DHDDS: variants seen among roughly 807,000 people sequenced by gnomAD.
DHDDS encodes the protein dehydrodolichyl diphosphate synthase subunit.
Under a neutral mutation model 46.2 loss-of-function variants are expected in DHDDS, and 16 were observed. That is an observed-to-expected ratio of 0.35 (90% confidence interval 0.23 to 0.53). The LOEUF is 0.53. DHDDS is among the 20% of genes least tolerant of loss of function. DHDDS has a pLI of 0.94. For synonymous variants in DHDDS, 151 were observed against 163.1 expected (o/e 0.93, Z 0.56); for missense variants, 340 against 423.7 (o/e 0.80, Z 1.73).
At chr1:26,432,621 C>A in intron 1 of DHDDS, 1 of 376,048 alleles carries the variant, frequency 2.7e-6, no homozygotes, top group South Asian at 2.6e-5. Context: ...GGCAGGAAAC[C>A]GACTTAGATG....
At chr1:26,461,004 G>T (rs543160812) in intron 8 of DHDDS, among the ~76,000 whole-genome samples, 6 of 152,140 alleles carry the variant, frequency 3.9e-5, no homozygotes, top group Non-Finnish European at 7.3e-5. Context: ...CTCCCAACTA[G>T]CTGGGATTAC....
intron 8 of DHDDS, chr1:26,463,426 A>G (rs1345421405): frequency 2.0e-5 from 3 of 152,252 alleles, no homozygotes; most frequent in African/African-American, 7.2e-5. Flanking sequence ...TTTTCAGGAT[A>G]ATACAAACTG....
At chr1:26,449,308 C>T (rs1194889915) in intron 6 of DHDDS, among the ~76,000 whole-genome samples, 3 of 151,770 alleles carry the variant, frequency 2.0e-5, no homozygotes, top group Admixed American at 6.6e-5. Flanking sequence ...ACCATGTTGG[C>T]GAGGCTGGTC....
chr1:26,435,338 A>T (rs1557432586), intron 2 of DHDDS, among the ~76,000 whole-genome samples: 2 of 148,652 alleles, frequency 1.3e-5, no homozygotes, highest in African/African-American at 2.5e-5. Context: ...AAAAATCCTG[A>T]TGTTTGGTTT....
chr1:26,445,517 A>G (rs2075259863), intron 4 of DHDDS, among the ~76,000 whole-genome samples: 1 of 152,186 alleles, frequency 6.6e-6, no homozygotes, highest in African/African-American at 2.4e-5. Flanking sequence ...GTTTGAGACC[A>G]CCTTGGGCAA....
intron 4 of DHDDS, among the ~76,000 whole-genome samples, chr1:26,445,691 G>T (rs1557438982): frequency 6.6e-6 from 1 of 151,938 alleles, no homozygotes; most frequent in Non-Finnish European, 1.5e-5. Context: ...TCCAGCCTGG[G>T]TGAGAGTAAG....
At chr1:26,437,742 C>G (rs2075174782) in intron 2 of DHDDS, among the ~76,000 whole-genome samples, 1 of 150,962 alleles carries the variant, frequency 6.6e-6, no homozygotes, top group African/African-American at 2.4e-5. Flanking sequence ...TCCCAAAGTG[C>G]TGGGATTACA....
chr1:26,446,499 C>T lies in DHDDS; in HGVS notation c.440+67C>T, dbSNP rs558764193. The T allele has an allele frequency of 6.4e-5, 94 of 1,474,082 alleles. No individual in the cohort carries two copies. In the East Asian group the frequency reaches 8.2e-4, roughly 13 times the overall value. The allele number at this position is 1,474,082 out of a possible 1,614,324, so 91.3% of individuals were successfully genotyped here. On this transcript the variant is annotated intron_variant, in intron 5 of 8. Transcript: ENST00000236342. ...TGATTCCCTGCTGGCTTTAGGGAGA[C>T]GTCCTGGGCTTTCCTTGGTCTGGAT... is the stretch of plus-strand genomic sequence containing the variant.
intron 7 of DHDDS, among the ~76,000 whole-genome samples, 198 bp downstream of exon 7, chr1:26,458,103 G>A (rs1047887307): frequency 2.0e-5 from 3 of 152,174 alleles, no homozygotes; most frequent in African/African-American, 7.2e-5. Context: ...CGCTGGCTTT[G>A]CGAATCCAAC....
chr1:26,457,954 T>C (rs1318528481), intron 7 of DHDDS, 49 bp downstream of exon 7: 1 of 1,509,792 alleles, frequency 6.6e-7, no homozygotes, highest in African/African-American at 1.4e-5. Flanking sequence ...GGAAACCAAC[T>C]GTATCCACAG....
At chr1:26,447,835 C>T (rs912465308) in intron 6 of DHDDS, 175 bp downstream of exon 6, 2 of 675,634 alleles carry the variant, frequency 3.0e-6, no homozygotes, top group Non-Finnish European at 5.3e-6. Context: ...TTTTCAACAA[C>T]AACAACAAAA....
rs371438310 is a variant in DHDDS at position 26,442,744 on chromosome 1, G to A, written c.194G>A (p.Cys65Tyr). 2 of 1,613,976 alleles carry A rather than the reference G, an allele frequency of 1.2e-6. No individual in the cohort carries two copies. Among genetic ancestry groups the A allele is most frequent in the African/African-American group, 1.3e-5 (1 of 74,892 alleles). ...CTCCCCTCTCAGACTCTGCGGTGGTGTTTGAACCTGGGCATCCTAGAGGTG... is the reference window on the plus strand; with the variant it reads ...CTCCCCTCTCAGACTCTGCGGTGGTATTTGAACCTGGGCATCCTAGAGGTG... ...FNKLAETLRW[C>Y]LNLGILEVTV... The change falls in exon 4 of 9, where the codon TGT becomes TAT. Residue 65 changes from cysteine to tyrosine, a missense_variant. Around this residue, in one of 2 missense-constraint regions of DHDDS, gnomAD observed 72 missense variants for 123.5 expected, o/e 0.58. Transcript: ENST00000236342.
intron 4 of DHDDS, among the ~76,000 whole-genome samples, chr1:26,445,797 C>T (rs1164771277): frequency 6.6e-6 from 1 of 151,474 alleles, no homozygotes; most frequent in Admixed American, 6.6e-5. Context: ...CCGAGACAGG[C>T]AGATCACTTG....
At chr1:26,447,750 A>C (rs772765751) in intron 6 of DHDDS, 90 bp downstream of exon 6, 5 of 1,211,148 alleles carry the variant, frequency 4.1e-6, no homozygotes, top group Non-Finnish European at 6.0e-6. Flanking sequence ...GCACATTAGG[A>C]GGCCGAGGTG....
intron 2 of DHDDS, among the ~76,000 whole-genome samples, chr1:26,436,401 TTTTG>T (rs57226446): frequency 0.64 from 94,690 of 147,814 alleles, 31,594 homozygotes; most frequent in East Asian, 0.8. Context: ...TAAGACTCTG[TTTTG>T]TTTGTTTGTT....
chr1:26,452,720 C>G (rs1313293460), intron 6 of DHDDS, among the ~76,000 whole-genome samples: 2 of 152,194 alleles, frequency 1.3e-5, no homozygotes, highest in African/African-American at 4.8e-5. Context: ...AAGATTTCAA[C>G]CTGGCTTCAG....
At chr1:26,449,554 C>A (rs1415042258) in intron 6 of DHDDS, among the ~76,000 whole-genome samples, 1 of 151,948 alleles carries the variant, frequency 6.6e-6, no homozygotes, top group Non-Finnish European at 1.5e-5. Flanking sequence ...GTGTGTGCCA[C>A]CATGCTCAGC....
At chr1:26,446,266 TC>T in intron 4 of DHDDS, 49 bp from the exon 5 acceptor site, 1 of 1,580,006 alleles carries the variant, frequency 6.3e-7, no homozygotes, top group East Asian at 2.2e-5. Flanking sequence ...CCTTGCTCTC[TC>T]CAGCTCAGCA....
intron 8 of DHDDS, chr1:26,467,041 A>C: frequency 4.6e-6 from 1 of 215,392 alleles, no homozygotes; most frequent in Non-Finnish European, 1.0e-5. Context: ...CCCCCCACAC[A>C]CCTCACCTCT....
Sources: allele counts gnomAD v4.1 joint callset (sites outside exome capture counted in the v4.1 genomes callset), GRCh38; gene constraint gnomAD v4.1.1; regional missense constraint gnomAD v4.1.1; transcripts MANE v1.5; gene names NCBI Gene and HGNC (gene_info 2026-07-23, HGNC 2026-07-21).